MIA2: variants seen among roughly 807,000 people sequenced by gnomAD.
MIA2 encodes MIA SH3 domain ER export factor 2.
Under a neutral mutation model 167.8 loss-of-function variants are expected in MIA2, and 127 were observed. The ratio of observed to expected loss-of-function variants is 0.76; its 90% CI spans 0.66 to 0.88. The LOEUF (loss-of-function observed/expected upper bound fraction) is 0.88. MIA2 is among the 40% of genes least tolerant of loss of function. MIA2 has a pLI of 0.00. For missense variants in MIA2, 1,690 were observed against 1,624.7 expected (o/e 1.04, Z -0.69); for synonymous variants, 552 against 541.9 (o/e 1.02, Z -0.26).
At chr14:39,287,317 C>T (rs113985339) in intron 9 of MIA2, among the ~76,000 whole-genome samples, 2,834 of 151,912 alleles carry the variant, frequency 0.019, 100 homozygotes, top group African/African-American at 0.064. Context: ...TCAAGTGATC[C>T]GCTTATCTCA....
intron 28 of MIA2, among the ~76,000 whole-genome samples, chr14:39,349,424 C>T (rs1360765282): frequency 6.6e-5 from 10 of 152,052 alleles, no homozygotes; most frequent in Admixed American, 5.9e-4. Flanking sequence ...GTATTTATTA[C>T]GTTTGACCGA....
intron 9 of MIA2, among the ~76,000 whole-genome samples, chr14:39,282,989 A>G (rs540873778): frequency 5.7e-4 from 87 of 152,336 alleles, no homozygotes; most frequent in Non-Finnish European, 9.1e-4. Context: ...GAGATCATGC[A>G]ATATTTTTCT....
chr14:39,267,270 CA>C, intron 6 of MIA2: 13 of 1,425,106 alleles, frequency 9.1e-6, no homozygotes, highest in Non-Finnish European at 1.2e-5. Context: ...TCGGGATGGG[CA>C]GCGTAGGCCT....
chr14:39,267,076 A>T lies in MIA2; in HGVS notation c.1888-9858A>T, dbSNP rs2055862309. ...GCCCCTTTAAGAGCAAACGACCCGG[A>T]CACGTCTGCGAAGCTTGCGCGAAGA... On this transcript the variant is annotated intron_variant, in intron 6 of 28. Transcript: ENST00000640607. 5 of 1,080,296 alleles carry T rather than the reference A, an allele frequency of 4.6e-6. No homozygotes were observed. In the South Asian group the frequency reaches 1.0e-4, roughly 23 times the overall value. The allele number at this position is 1,080,296 out of a possible 1,614,324, so 66.9% of individuals were successfully genotyped here. A position where few individuals can be genotyped will look rare whatever the true frequency, so the allele number is the denominator to read the frequency against.
rs1245628647 is a variant in MIA2 at position 39,325,567 on chromosome 14, CCT to C, written c.3497-1296_3497-1295del. ...TATTTTTAGTAGAGATGGGGTTTCA[CCT>C]TGTTAGCCAGGATGGTCTCGATCTC... is the stretch of plus-strand genomic sequence containing the variant. On this transcript the variant is annotated intron_variant, in intron 24 of 28. Transcript: ENST00000640607. 1.3e-4 allele frequency among the ~76,000 whole-genome samples: 20 copies of C among 150,652 alleles called. 1 individual carries two copies. The highest frequency in any genetic ancestry group is 4.9e-4 in the African/African-American group (20 of 40,920).
intron 18 of MIA2, 84 bp from the exon 19 acceptor site, chr14:39,313,256 C>A: frequency 1.6e-6 from 1 of 614,186 alleles, no homozygotes; most frequent in Non-Finnish European, 2.7e-6. Context: ...TGACAGGAAT[C>A]ACCAGTTTTT....
chr14:39,266,230 AAT>A (rs1407624753), intron 6 of MIA2: 6 of 985,314 alleles, frequency 6.1e-6, no homozygotes, highest in Non-Finnish European at 7.2e-6. Flanking sequence ...GGCAGAATAT[AAT>A]GAGAATGATC....
Position 39,338,629 on chromosome 14 carries a change from C to T in MIA2, c.3656-7275C>T, listed in dbSNP as rs1595797248. ...ATTAAAATTTTAACAGAAATATGTC[C>T]TGGGAATAACCAGTTCATTATAAAT... On this transcript the variant is annotated intron_variant, in intron 25 of 28. Coordinates refer to ENST00000640607, the MANE Select transcript of MIA2 (RefSeq NM_001329214.4). Among the ~76,000 whole-genome samples, 5 of 151,982 alleles carry T rather than the reference C, an allele frequency of 3.3e-5. No individual in the cohort carries two copies. In the East Asian group the frequency reaches 7.7e-4, roughly 23 times the overall value.
intron 9 of MIA2, among the ~76,000 whole-genome samples, chr14:39,288,514 A>G (rs1404888498): frequency 8.5e-6 from 1 of 117,954 alleles, no homozygotes; most frequent in Non-Finnish European, 1.6e-5. Flanking sequence ...TGGCGCTGTC[A>G]CCCGGGCTGG....
chr14:39,291,128 T>TG (rs2060679936), intron 10 of MIA2, 32 bp downstream of exon 10: 2 of 1,556,028 alleles, frequency 1.3e-6, no homozygotes, highest in African/African-American at 2.8e-5. Flanking sequence ...TTTTAAAAGC[T>TG]GGGGAAAAAA....
Position 39,266,739 on chromosome 14 carries a change from C to G in MIA2, c.1888-10195C>G, listed in dbSNP as rs1202400533. Reference sequence around the variant, plus strand: ...GCTGCCGGGGTCTCCCGGGGTACGCCGCCGTCAGGACTTCTGCAGGGCGCA... The same window carrying G: ...GCTGCCGGGGTCTCCCGGGGTACGCGGCCGTCAGGACTTCTGCAGGGCGCA... On this transcript the variant is annotated intron_variant, in intron 6 of 28. Coordinates refer to ENST00000640607, the MANE Select transcript of MIA2 (RefSeq NM_001329214.4). 4.1e-6 allele frequency: 4 copies of G among 984,970 alleles called. No individual in the cohort carries two copies. The African/African-American group carries it at 7.0e-5, about 17-fold the overall frequency. The allele number at this position is 984,970 out of a possible 1,614,324, so 61.0% of individuals were successfully genotyped here. A position where few individuals can be genotyped will look rare whatever the true frequency, so the allele number is the denominator to read the frequency against.
intron 24 of MIA2, among the ~76,000 whole-genome samples, chr14:39,321,997 G>A (rs1050474830): frequency 1.1e-4 from 17 of 151,384 alleles, no homozygotes; most frequent in African/African-American, 3.4e-4. Context: ...GGCTGGTCTC[G>A]AACTCCTGAC....
chr14:39,238,379 G>T (rs1188813103), intron 2 of MIA2, among the ~76,000 whole-genome samples: 2 of 151,508 alleles, frequency 1.3e-5, no homozygotes, highest in East Asian at 4.0e-4. Context: ...CACCATGTTG[G>T]CCAGGCTGGT....
At chr14:39,368,776 C>G (rs1268234490) in intron 23 of MIA2, among the ~76,000 whole-genome samples, 2 of 147,446 alleles carry the variant, frequency 1.4e-5, no homozygotes, top group African/African-American at 2.5e-5. Context: ...ATATTCCAGT[C>G]ATTCTCTTGA....
chr14:39,332,071 G>A (rs2069027356), intron 25 of MIA2, among the ~76,000 whole-genome samples: 1 of 152,146 alleles, frequency 6.6e-6, no homozygotes, highest in African/African-American at 2.4e-5. Context: ...TCACTTTCAG[G>A]TACACCAATC....
At chr14:39,278,042 C>T (rs921233527) in intron 7 of MIA2, among the ~76,000 whole-genome samples, 22 of 151,846 alleles carry the variant, frequency 1.4e-4, no homozygotes, top group Non-Finnish European at 1.2e-4. Context: ...GGCATGATCT[C>T]GGCTCACTGC....
chr14:39,245,394 C>CA (rs142074391), intron 3 of MIA2, among the ~76,000 whole-genome samples: 4,376 of 148,540 alleles, frequency 0.029, 227 homozygotes, highest in African/African-American at 0.1. Context: ...AGAAATATTG[C>CA]AAAAAAAAAA....
downstream of MIA2, among the ~76,000 whole-genome samples, chr14:39,353,728 T>A (rs2074451181): frequency 6.6e-6 from 1 of 152,124 alleles, no homozygotes; most frequent in Non-Finnish European, 1.5e-5. Context: ...CCTGACCCTA[T>A]AACAGGCCCT....
intron 10 of MIA2, among the ~76,000 whole-genome samples, chr14:39,292,339 T>TA (rs1169881750): frequency 6.6e-6 from 1 of 152,192 alleles, no homozygotes; most frequent in East Asian, 1.9e-4. Flanking sequence ...ATTATAGGAG[T>TA]AAAATTAGCT....
Sources: allele counts gnomAD v4.1 joint callset (sites outside exome capture counted in the v4.1 genomes callset), GRCh38; gene constraint gnomAD v4.1.1; transcripts MANE v1.5; gene names NCBI Gene and HGNC (gene_info 2026-07-23, HGNC 2026-07-21).